NTM: variants seen among roughly 807,000 people sequenced by gnomAD.
NTM encodes the protein IgLON family member 2.
Under a neutral mutation model 42.1 loss-of-function variants are expected in NTM, and 13 were observed. The observed-to-expected ratio is 0.31, with a 90% CI of 0.20 to 0.49. The LOEUF (loss-of-function observed/expected upper bound fraction) is 0.49, where lower values mean the gene tolerates loss of function less well. Ranked by LOEUF, NTM falls within the 20% of genes least tolerant of loss-of-function variation. The pLI, the probability that NTM is intolerant of heterozygous loss-of-function variation, is 0.99. For missense variants in NTM, 373 were observed against 452.8 expected, an observed-to-expected ratio of 0.82 and a Z score of 1.60; for synonymous variants, 187 against 179.2, an observed-to-expected ratio of 1.04 and a Z score of -0.35.
chr11:131,460,556 C>CT (rs919206103), intron 1 of NTM, among the ~76,000 whole-genome samples: 10 of 151,896 alleles, frequency 6.6e-5, no homozygotes, highest in Middle Eastern at 3.4e-3. Flanking sequence ...TTTCTTTTTT[C>CT]TTTTTTTTCC....
At chr11:131,590,064 A>G (rs1425297145) in intron 1 of NTM, among the ~76,000 whole-genome samples, 1 of 152,190 alleles carries the variant, frequency 6.6e-6, no homozygotes, top group Non-Finnish European at 1.5e-5. Context: ...TAATCTGTGG[A>G]TGTAATTTGT....
At chr11:132,055,907 T>C (rs1165507986) in intron 2 of NTM, among the ~76,000 whole-genome samples, 1 of 152,200 alleles carries the variant, frequency 6.6e-6, no homozygotes, top group Non-Finnish European at 1.5e-5. Context: ...GTTTTAAGCA[T>C]CTAGCACAGA....
At chr11:131,620,968 G>A (rs936667753) in intron 1 of NTM, among the ~76,000 whole-genome samples, 6 of 152,074 alleles carry the variant, frequency 3.9e-5, no homozygotes, top group African/African-American at 1.4e-4. Context: ...GATAAATTAC[G>A]CTAACCGGTG....
At chr11:131,847,375 G>A (rs1722057020) in intron 1 of NTM, among the ~76,000 whole-genome samples, 5 of 151,996 alleles carry the variant, frequency 3.3e-5, no homozygotes, top group African/African-American at 1.2e-4. Flanking sequence ...AGAAGTAGAA[G>A]GGAAGGAGGA....
At chr11:131,985,576 C>G (rs915668260) in intron 2 of NTM, among the ~76,000 whole-genome samples, 1 of 152,124 alleles carries the variant, frequency 6.6e-6, no homozygotes, top group Non-Finnish European at 1.5e-5. Context: ...GGTTGCCTAC[C>G]CTCAGTTTGT....
intron 3 of NTM, among the ~76,000 whole-genome samples, chr11:132,179,842 TG>T (rs530795405): frequency 2.6e-5 from 4 of 152,198 alleles, no homozygotes; most frequent in African/African-American, 9.6e-5. Flanking sequence ...TTTCCTTGAC[TG>T]GGGGGTAGCA....
chr11:131,915,210 C>G (rs966605563), intron 2 of NTM, among the ~76,000 whole-genome samples: 2 of 152,218 alleles, frequency 1.3e-5, no homozygotes, highest in Non-Finnish European at 2.9e-5. Context: ...GACCAGTATG[C>G]TAGCTCAGGA....
chr11:131,390,691 T>C (rs887390881), intron 1 of NTM, among the ~76,000 whole-genome samples: 1 of 152,074 alleles, frequency 6.6e-6, no homozygotes, highest in Non-Finnish European at 1.5e-5. Flanking sequence ...ACACTTCAGT[T>C]TGCATGTGTA....
At chr11:131,737,043 T>A (rs114294516) in intron 1 of NTM, among the ~76,000 whole-genome samples, 207 of 152,316 alleles carry the variant, frequency 1.4e-3, no homozygotes, top group Non-Finnish European at 2.1e-3. Context: ...ATGGCGGTGC[T>A]GTACATTTAT....
At chr11:131,765,089 C>A (rs1392652740) in intron 1 of NTM, among the ~76,000 whole-genome samples, 1 of 152,172 alleles carries the variant, frequency 6.6e-6, no homozygotes, top group Non-Finnish European at 1.5e-5. Context: ...AGGCGCACAT[C>A]CTGAAAGCCA....
chr11:131,682,473 C>G lies in NTM; in HGVS notation c.83-229091C>G, dbSNP rs1426503110. 3.9e-5 allele frequency among the ~76,000 whole-genome samples: 6 copies of G among 152,300 alleles called. No individual in the cohort carries two copies. In the South Asian group the frequency reaches 1.2e-3, roughly 32 times the overall value. ...GAGTCCTGGGAGGCTGAGGGCCCTC[C>G]CTCCTCGTGGCACGCATGCAGCTGC... On this transcript the variant is annotated intron_variant, in intron 1 of 8. Coordinates refer to ENST00000683400, the MANE Select transcript of NTM (RefSeq NM_001352005.2).
At chr11:132,210,312 G>T (rs3099762) in intron 3 of NTM, among the ~76,000 whole-genome samples, 68,318 of 152,070 alleles carry the variant, frequency 0.45, 15,774 homozygotes, top group Middle Eastern at 0.57. Flanking sequence ...CCAGCATCAG[G>T]AGGGTTGAAA....
At chr11:132,295,778 C>T (rs1313743585) in intron 4 of NTM, among the ~76,000 whole-genome samples, 1 of 152,144 alleles carries the variant, frequency 6.6e-6, no homozygotes, top group African/African-American at 2.4e-5. Flanking sequence ...CATTCCATGC[C>T]ACGGAGCAAT....
Position 131,968,470 on chromosome 11 carries a change from G to A in NTM, c.167+56822G>A, listed in dbSNP as rs565219341. Among the ~76,000 whole-genome samples, 23 of 152,214 alleles carry A rather than the reference G, an allele frequency of 1.5e-4. No individual in the cohort carries two copies. The East Asian group carries it at 3.9e-3, about 26-fold the overall frequency. On this transcript the variant is annotated intron_variant, in intron 2 of 8. Transcript: ENST00000683400. The stretch of plus-strand genomic sequence containing the variant: ...TTAAGGTTAAAGAGTGGCAGGTGGC[G>A]GCCCTTCTTCCAATCGTACCCAGCA...
intron 2 of NTM, among the ~76,000 whole-genome samples, chr11:132,025,887 T>C (rs2075105725): frequency 6.6e-6 from 1 of 152,180 alleles, no homozygotes; most frequent in South Asian, 2.1e-4. Flanking sequence ...TCCCTTTCAA[T>C]TGGAAGCAAC....
At chr11:131,516,822 G>A (rs365523) in intron 1 of NTM, among the ~76,000 whole-genome samples, 67,127 of 152,034 alleles carry the variant, frequency 0.44, 15,641 homozygotes, top group African/African-American at 0.6. Flanking sequence ...GTCTCTCTCT[G>A]TTTCACTCTC....
chr11:132,319,030 T>A (rs532855054), intron 7 of NTM, among the ~76,000 whole-genome samples: 1 of 152,134 alleles, frequency 6.6e-6, no homozygotes, highest in Non-Finnish European at 1.5e-5. Context: ...GTGAAGTCAA[T>A]AGACTTATTC....
At chr11:131,623,865 C>T (rs1463147384) in intron 1 of NTM, among the ~76,000 whole-genome samples, 2 of 152,200 alleles carry the variant, frequency 1.3e-5, no homozygotes, top group African/African-American at 4.8e-5. Context: ...CCACTGTTAG[C>T]CAAGGAAAAA....
chr11:132,119,353 G>GTATCTGAA (rs57615166), intron 2 of NTM, among the ~76,000 whole-genome samples: 109,265 of 151,548 alleles, frequency 0.72, 40,506 homozygotes, highest in African/African-American at 0.86. Context: ...TGTACTCCTG[G>GTATCTGAA]AATGGGGACA....
Sources: gnomAD v4.1 joint callset for allele counts (sites outside exome capture counted in the v4.1 genomes callset) on GRCh38, gnomAD v4.1.1 for gene constraint, MANE v1.5 for transcripts, NCBI Gene and HGNC (gene_info 2026-07-23, HGNC 2026-07-21) for gene names.